The following C2orf76 variants were observed in gnomAD, a reference collection of about 807,000 sequenced individuals.
C2orf76 encodes the protein UPF0538 protein C2orf76.
C2orf76 carries 23 observed loss-of-function variants against 16.9 expected under a neutral mutation model. The observed-to-expected ratio is 1.36, with a 90% CI of 0.98 to 1.93. The LOEUF is 1.93. Among genes scored for constraint, C2orf76 ranks in the 30% most tolerant of loss-of-function variants. The pLI is 0.00. For missense variants in C2orf76, 152 were observed against 152.6 expected, an observed-to-expected ratio of 1.00 and a Z score of 0.02; for synonymous variants, 48 against 52.3, an observed-to-expected ratio of 0.92 and a Z score of 0.35.
intron 1 of C2orf76, among the ~76,000 whole-genome samples, chr2:119,364,810 G>A (rs1181689565): frequency 6.6e-6 from 1 of 152,120 alleles, no homozygotes; most frequent in Non-Finnish European, 1.5e-5. Context: ...CAGGCGCAGT[G>A]GCTCACACCT....
At chr2:119,315,437 C>T (rs1292679769) in intron 4 of C2orf76, among the ~76,000 whole-genome samples, 1 of 152,152 alleles carries the variant, frequency 6.6e-6, no homozygotes, top group East Asian at 1.9e-4. Context: ...AGTTGGAACA[C>T]TAACAGGCCA....
intron 5 of C2orf76, among the ~76,000 whole-genome samples, chr2:119,309,530 G>A (rs1316825901): frequency 4.1e-5 from 6 of 147,310 alleles, no homozygotes; most frequent in Non-Finnish European, 7.4e-5. Flanking sequence ...AGCCGTTCTC[G>A]TGCCTTAGCC....
intron 2 of C2orf76, among the ~76,000 whole-genome samples, chr2:119,326,554 C>A (rs895818819): frequency 9.9e-5 from 15 of 151,598 alleles, no homozygotes; most frequent in African/African-American, 3.6e-4. Flanking sequence ...AGGTCTTTTG[C>A]CTTTCCTTAC....
chr2:119,342,759 T>A (rs1314545065), intron 1 of C2orf76, among the ~76,000 whole-genome samples: 5 of 151,996 alleles, frequency 3.3e-5, no homozygotes, highest in Non-Finnish European at 2.9e-5. Context: ...GGGTTGTTTG[T>A]TTGTTTGTTT....
chr2:119,365,070 TG>T (rs1680886546), intron 1 of C2orf76, among the ~76,000 whole-genome samples: 1 of 151,768 alleles, frequency 6.6e-6, no homozygotes, highest in Non-Finnish European at 1.5e-5. Flanking sequence ...GGTAAAAGAG[TG>T]AGACCACATC....
chr2:119,301,076 AACACAC>A (rs57577702), downstream of C2orf76, among the ~76,000 whole-genome samples: 13 of 146,240 alleles, frequency 8.9e-5, no homozygotes, highest in African/African-American at 3.0e-4. Context: ...ACTTCTTAAA[AACACAC>A]ACACACACAC....
intron 5 of C2orf76, among the ~76,000 whole-genome samples, chr2:119,309,087 T>C (rs967145660): frequency 6.6e-6 from 1 of 152,168 alleles, no homozygotes; most frequent in Non-Finnish European, 1.5e-5. Flanking sequence ...GAGATGAGCA[T>C]GCTAATTGTT....
At chr2:119,351,051 T>C (rs1412087297) in intron 1 of C2orf76, among the ~76,000 whole-genome samples, 1 of 152,210 alleles carries the variant, frequency 6.6e-6, no homozygotes, top group African/African-American at 2.4e-5. Flanking sequence ...CTGTGAACAC[T>C]GAATTAGCAA....
chr2:119,347,053 T>C (rs949188502), intron 1 of C2orf76, among the ~76,000 whole-genome samples: 2 of 152,196 alleles, frequency 1.3e-5, no homozygotes, highest in African/African-American at 4.8e-5. Context: ...GTGATGATCA[T>C]AAAGCGGTGT....
chr2:119,302,941 G>A (rs79149669), intron 5 of C2orf76, among the ~76,000 whole-genome samples: 2,739 of 135,846 alleles, frequency 0.02, 83 homozygotes, highest in African/African-American at 0.065. Context: ...GAAGGGGAGG[G>A]AAAACTCTTT....
At chr2:119,325,805 C>G (rs960704523) in intron 2 of C2orf76, among the ~76,000 whole-genome samples, 2 of 152,026 alleles carry the variant, frequency 1.3e-5, no homozygotes, top group Admixed American at 6.5e-5. Flanking sequence ...TTCCATTTCA[C>G]TAAAGACTAA....
chr2:119,296,440 G>A, the C2orf76 span, among the ~76,000 whole-genome samples: 1 of 152,126 alleles, frequency 6.6e-6, no homozygotes, highest in African/African-American at 2.4e-5. Context: ...GTGAGAAAAA[G>A]ATGACAAGAT....
intron 2 of C2orf76, among the ~76,000 whole-genome samples, chr2:119,334,526 A>G (rs1679781589): frequency 6.6e-6 from 1 of 151,636 alleles, no homozygotes; most frequent in Non-Finnish European, 1.5e-5. Flanking sequence ...CCCCGTCTCT[A>G]CTAAAAATAA....
downstream of C2orf76, among the ~76,000 whole-genome samples, chr2:119,299,232 A>G (rs1275958513): frequency 6.6e-6 from 1 of 152,142 alleles, no homozygotes; most frequent in Non-Finnish European, 1.5e-5. Context: ...CCTCTTATTC[A>G]TATCTAATAG....
chr2:119,364,384 T>A (rs1274245026), intron 1 of C2orf76, among the ~76,000 whole-genome samples: 1 of 152,032 alleles, frequency 6.6e-6, no homozygotes. Context: ...AAGCTGGGAG[T>A]GGTACAAAGA....
intron 1 of C2orf76, among the ~76,000 whole-genome samples, chr2:119,350,055 G>C (rs1680335038): frequency 1.1e-4 from 10 of 87,634 alleles, no homozygotes; most frequent in Non-Finnish European, 1.1e-4. Context: ...GAGCCACCAC[G>C]CCCCGCCCAC....
chr2:119,291,821 G>C, the C2orf76 span, among the ~76,000 whole-genome samples: 32 of 152,078 alleles, frequency 2.1e-4, no homozygotes, highest in Non-Finnish European at 3.5e-4. Context: ...CAGTGTAACA[G>C]AAATTATTCC....
At chr2:119,326,319 C>A (rs1679509274) in intron 2 of C2orf76, among the ~76,000 whole-genome samples, 1 of 152,126 alleles carries the variant, frequency 6.6e-6, no homozygotes, top group African/African-American at 2.4e-5. Flanking sequence ...TAATACCTTG[C>A]TTGGGAAAAT....
At chr2:119,291,395 G>A in the C2orf76 span, among the ~76,000 whole-genome samples, 1 of 151,820 alleles carries the variant, frequency 6.6e-6, no homozygotes, top group Non-Finnish European at 1.5e-5. Context: ...AATAGTGAAA[G>A]GGACGGCTTT....
Sources: allele counts gnomAD v4.1 joint callset (sites outside exome capture counted in the v4.1 genomes callset), GRCh38; gene constraint gnomAD v4.1.1; transcripts MANE v1.5; gene names NCBI Gene and HGNC (gene_info 2026-07-23, HGNC 2026-07-21).